Variants in POU2F3 observed in about 807,000 individuals in gnomAD.
POU2F3 encodes POU domain, class 2, transcription factor 3.
In POU2F3, 23 loss-of-function variants were observed where a neutral mutation model predicts 59.2. The ratio of observed to expected loss-of-function variants is 0.39; its 90% confidence interval spans 0.28 to 0.55. The LOEUF (loss-of-function observed/expected upper bound fraction) is 0.55. POU2F3 is among the 20% of genes least tolerant of loss of function. The pLI, the probability that POU2F3 is intolerant of heterozygous loss-of-function variation, is 0.66. For synonymous variants in POU2F3, 190 were observed against 214.6 expected, an observed-to-expected ratio of 0.89 and a Z score of 1.00; for missense variants, 473 against 544.5, an observed-to-expected ratio of 0.87 and a Z score of 1.31.
In POU2F3 at chr11:120,298,364, T is replaced by C. The variant is rs770681499; in HGVS notation, c.232T>C (p.Ser78Pro). 3 of 1,613,758 alleles carry C rather than the reference T, an allele frequency of 1.9e-6. No homozygotes were observed. The highest frequency in any genetic ancestry group is 2.5e-6 in the Non-Finnish European group (3 of 1,179,910). ...GPAMMSGNQM[S>P]GLNASPCQDM... ...TGCCATGATGTCCGGAAACCAAATG[T>C]CTGGGCTAAATGCCAGCCCATGTCA... The change falls in exon 4 of 13, where the codon TCT (serine) becomes CCT (proline). Residue 78 changes from serine (S) to proline (P), a missense_variant. Transcript: ENST00000543440.
chr11:120,246,587 T>G, intron 2 of POU2F3, 70 bp downstream of exon 2: 1 of 1,531,252 alleles, frequency 6.5e-7, no homozygotes, highest in Non-Finnish European at 9.0e-7. Context: ...GTTGAACAAC[T>G]GGTGTCTCTT....
chr11:120,277,774 C>A (rs1021257603), intron 3 of POU2F3, among the ~76,000 whole-genome samples: 15 of 151,668 alleles, frequency 9.9e-5, no homozygotes, highest in African/African-American at 3.4e-4. Context: ...AGCGAGACTC[C>A]GTTACAAAAA....
chr11:120,317,378 G>C lies in POU2F3; in HGVS notation c.1271+14G>C, dbSNP rs764091829. 3.9e-5 allele frequency: 63 copies of C among 1,613,928 alleles called. No individual in the cohort carries two copies. Among genetic ancestry groups the C allele is most frequent in the Non-Finnish European group, 5.3e-5 (62 of 1,179,964 alleles). On this transcript the variant is annotated intron_variant, in intron 12 of 12. Coordinates refer to ENST00000543440, the MANE Select transcript of POU2F3 (RefSeq NM_014352.4). ...TAACTCTTCAGGGTAAGGTGAAGGG[G>C]ACGGTGCAGAGACATCCCAGCAGGG...
At position 120,317,305 on chromosome 11, in the gene POU2F3, T is replaced by C. The variant is rs755023832; in HGVS notation, c.1212T>C (p.Thr404=). The change falls in exon 12 of 13, where the codon ACT becomes ACC. Residue 404 remains threonine (T), a synonymous_variant. Transcript: ENST00000543440. ...PGSGLHASSP[T]ASQNNSKAAV... ...CAGGACTCCACGCCAGCAGCCCCAC[T>C]GCATCTCAAAATAACTCCAAAGCAG... 25 of 1,613,992 alleles carry C rather than the reference T, an allele frequency of 1.5e-5. No homozygotes were observed. Among genetic ancestry groups the C allele is most frequent in the Middle Eastern group, 1.6e-4 (1 of 6,084 alleles).
At chr11:120,317,080 G>A in intron 11 of POU2F3, 149 bp from the exon 12 acceptor site, 1 of 847,826 alleles carries the variant, frequency 1.2e-6, no homozygotes, top group Non-Finnish European at 1.9e-6. Context: ...TGCTAATGAG[G>A]CAGGAGGTAG....
chr11:120,245,203 A>G (rs576667343), intron 1 of POU2F3, among the ~76,000 whole-genome samples: 61 of 152,280 alleles, frequency 4.0e-4, no homozygotes, highest in African/African-American at 1.4e-3. Flanking sequence ...CGAAGCTGCT[A>G]CACTCCAGAG....
At chr11:120,291,541 A>G (rs11217796) in intron 3 of POU2F3, among the ~76,000 whole-genome samples, 35,605 of 152,202 alleles carry the variant, frequency 0.23, 4,794 homozygotes, top group Admixed American at 0.43. Flanking sequence ...AGTGCAACCT[A>G]CACCAAACAA....
At chr11:120,269,136 C>T in intron 2 of POU2F3, 74 bp from the exon 3 acceptor site, 1 of 1,223,086 alleles carries the variant, frequency 8.2e-7, no homozygotes. Context: ...CTCTCAACAT[C>T]CTAGTTTTTT....
rs1184182731 is a variant in POU2F3 at position 120,319,428 on chromosome 11, A to G, written c.*1036A>G. Reference sequence around the variant, plus strand: ...TTCCAGAGTTCCCACATGGGCTGGGATTTTTTTTTCTTTTTCTTTTTTTTT... The same window carrying G: ...TTCCAGAGTTCCCACATGGGCTGGGGTTTTTTTTTCTTTTTCTTTTTTTTT... On this transcript the variant is annotated 3_prime_UTR_variant, in exon 13 of 13. Coordinates refer to ENST00000543440, the MANE Select transcript of POU2F3 (RefSeq NM_014352.4). 7.3e-6 allele frequency: 1 copy of G among 137,742 alleles called. No individual in the cohort carries two copies. Among genetic ancestry groups the G allele is most frequent in the African/African-American group, 2.7e-5 (1 of 36,444 alleles). 8.5% of individuals were successfully genotyped at this position (137,742 alleles called of 1,614,324 possible).
intron 3 of POU2F3, among the ~76,000 whole-genome samples, chr11:120,294,491 G>A (rs774781393): frequency 7.2e-5 from 11 of 152,272 alleles, no homozygotes; most frequent in Admixed American, 1.3e-4. Flanking sequence ...TTGGGTTTTC[G>A]TCCAATTTGC....
At chr11:120,236,663 A>G (rs1419603086), upstream of POU2F3, 4 of 1,498,964 alleles carry the variant, frequency 2.7e-6, no homozygotes, top group South Asian at 4.8e-5. Context: ...AGAGCTCAAA[A>G]AACCGGTTTC....
intron 3 of POU2F3, among the ~76,000 whole-genome samples, chr11:120,277,775 G>A (rs966655181): frequency 1.7e-4 from 26 of 152,160 alleles, no homozygotes; most frequent in African/African-American, 5.3e-4. Context: ...GCGAGACTCC[G>A]TTACAAAAAA....
chr11:120,289,787 A>C (rs1479395924), intron 3 of POU2F3, among the ~76,000 whole-genome samples: 1 of 152,176 alleles, frequency 6.6e-6, no homozygotes, highest in South Asian at 2.1e-4. Flanking sequence ...TCTTCATCTC[A>C]TTCCCTTTTC....
chr11:120,292,791 G>A (rs766780238), intron 3 of POU2F3, among the ~76,000 whole-genome samples: 15 of 152,246 alleles, frequency 9.9e-5, no homozygotes, highest in Non-Finnish European at 2.1e-4. Context: ...GCACCATGAA[G>A]CATTAGTGAG....
At chr11:120,293,049 C>T (rs750895351) in intron 3 of POU2F3, among the ~76,000 whole-genome samples, 16 of 152,152 alleles carry the variant, frequency 1.1e-4, no homozygotes, top group Non-Finnish European at 1.6e-4. Context: ...TTTTGGAAAG[C>T]GTCTTTTCAG....
At chr11:120,308,328 G>A (rs971378468) in intron 9 of POU2F3, among the ~76,000 whole-genome samples, 4 of 152,186 alleles carry the variant, frequency 2.6e-5, no homozygotes, top group South Asian at 2.1e-4. Context: ...GGTACCACGC[G>A]TCTCCAAAGG....
intron 2 of POU2F3, among the ~76,000 whole-genome samples, chr11:120,255,786 A>T (rs970283479): frequency 6.6e-6 from 1 of 152,058 alleles, no homozygotes; most frequent in Non-Finnish European, 1.5e-5. Context: ...CCTGGGCTCC[A>T]TTTAGCCCCT....
intron 2 of POU2F3, among the ~76,000 whole-genome samples, chr11:120,268,743 A>G (rs1939939578): frequency 6.6e-6 from 1 of 152,238 alleles, no homozygotes; most frequent in African/African-American, 2.4e-5. Context: ...TGTCTAGCTG[A>G]CATACTTTAG....
chr11:120,299,677 A>G lies in POU2F3; in HGVS notation c.312A>G (p.Leu104=). ...AGCTTGTGCTGGTTCCCGGCCACTT[A>G]CAGTCTGTATCCCAGTTCCTGCTAT... The part of the protein sequence containing the change: ...LQQLVLVPGH[L]QSVSQFLLSQ... The change falls in exon 5 of 13, where the codon TTA becomes TTG. Residue 104 remains leucine, a synonymous_variant. Coordinates refer to ENST00000543440, the MANE Select transcript of POU2F3 (RefSeq NM_014352.4). 2 of 1,613,808 alleles carry G rather than the reference A, an allele frequency of 1.2e-6. No homozygotes were observed. Among genetic ancestry groups the G allele is most frequent in the Non-Finnish European group, 1.7e-6 (2 of 1,179,982 alleles).
Sources: allele counts gnomAD v4.1 joint callset (sites outside exome capture counted in the v4.1 genomes callset), GRCh38; gene constraint gnomAD v4.1.1; transcripts MANE v1.5; gene names NCBI Gene and HGNC (gene_info 2026-07-23, HGNC 2026-07-21).